ACAP1: variants seen among roughly 807,000 people sequenced by gnomAD.
The protein encoded by ACAP1 is arf-GAP with coiled-coil, ANK repeat and PH domain-containing protein 1.
In ACAP1, 45 loss-of-function variants were observed where a neutral mutation model predicts 98.8. The ratio of observed to expected loss-of-function variants is 0.46; its 90% CI spans 0.36 to 0.58. The LOEUF is 0.58. ACAP1 is among the 20% of genes least tolerant of loss of function. The pLI, the probability that ACAP1 is intolerant of heterozygous loss-of-function variation, is 0.00. For missense variants in ACAP1, 735 were observed against 971.4 expected (o/e 0.76, Z 3.24); for synonymous variants, 362 against 375.3 (o/e 0.96, Z 0.41).
chr17:7,342,907 C>CAA (rs35515243), intron 5 of ACAP1: 124 of 68,938 alleles, frequency 1.8e-3, no homozygotes, highest in East Asian at 3.0e-3. Flanking sequence ...GACTCTGCCT[C>CAA]AAAAAAAAAA....
chr17:7,346,844 G>A lies in ACAP1; in HGVS notation c.1044G>A (p.Leu348=). 6.2e-7 allele frequency: 1 copy of A among 1,613,408 alleles called. No homozygotes were observed. Among genetic ancestry groups the A allele is most frequent in the Non-Finnish European group, 8.5e-7 (1 of 1,179,448 alleles). The change falls in exon 13 of 22, where the codon CTG becomes CTA. Residue 348 remains leucine (L), a synonymous_variant. Transcript: ENST00000158762. The part of the protein sequence containing the change: ...CLLQADSERL[L]QLWVSAVQSS... ...TCCAGGCTGACTCAGAGCGCCTCCT[G>A]CAGCTGTGGGTCAGTGCTGTGCAGA...
In ACAP1 at chr17:7,348,175, C is replaced by G; in HGVS notation, c.1462C>G (p.Arg488Gly). Residue 488 changes from arginine to glycine, a missense_variant, in exon 16 of 22, where the codon CGC becomes GGC. By Grantham distance (125) the Arg-to-Gly change is moderately radical (BLOSUM62 -2). Coordinates refer to ENST00000158762, the MANE Select transcript of ACAP1 (RefSeq NM_014716.4). ...NVIINQIYEA[R>G]VEAMAVKKPG... ...CATCATCAACCAGATCTATGAGGCC[C>G]GCGTGGAGGCCATGGCAGTGAAGAA... is the stretch of plus-strand genomic sequence containing the variant. The G allele has an allele frequency of 6.2e-7, 1 of 1,613,974 alleles. No homozygotes were observed. Among genetic ancestry groups the G allele is most frequent in the Non-Finnish European group, 8.5e-7 (1 of 1,179,944 alleles).
intron 2 of ACAP1, 97 bp from the exon 3 acceptor site, chr17:7,341,851 C>T (rs1314784193): frequency 2.3e-5 from 36 of 1,560,262 alleles, no homozygotes; most frequent in South Asian, 8.4e-5. Context: ...AGGGGAGCGC[C>T]GCCCTGGGCA....
In ACAP1 at chr17:7,346,395, C is replaced by T. The variant is rs760010798; in HGVS notation, c.911C>T (p.Pro304Leu). The T allele has an allele frequency of 2.5e-6, 4 of 1,614,006 alleles. No individual in the cohort carries two copies. In the Admixed American group the frequency reaches 5.0e-5, roughly 20 times the overall value. The change falls in exon 12 of 22, where the codon CCT (proline) becomes CTT (leucine). Residue 304 changes from proline (P) to leucine (L), a missense_variant. By Grantham distance (98) the Pro-to-Leu change is moderately conservative. Coordinates refer to ENST00000158762, the MANE Select transcript of ACAP1 (RefSeq NM_014716.4). ...QLVYQKKYKD[P>L]VTVVVDDLRL... Reference sequence around the variant, plus strand: ...CTTATCACCTTATCCTGCCAGGACCCTGTGACTGTGGTGGTGGATGACCTT... The same window carrying T: ...CTTATCACCTTATCCTGCCAGGACCTTGTGACTGTGGTGGTGGATGACCTT...
At chr17:7,340,268 T>C (rs928833104) in intron 2 of ACAP1, among the ~76,000 whole-genome samples, 1 of 152,304 alleles carries the variant, frequency 6.6e-6, no homozygotes, top group East Asian at 1.9e-4. Context: ...ACCTCAACTC[T>C]AAAAATAATC....
intron 17 of ACAP1, 68 bp from the exon 18 acceptor site, chr17:7,348,927 C>A: frequency 7.0e-7 from 1 of 1,436,066 alleles, no homozygotes. Context: ...AGCATTGGGA[C>A]ACTGCTGAGG....
At position 7,348,411 on chromosome 17, in the gene ACAP1, G is replaced by A. The variant is rs776642228; in HGVS notation, c.1614G>A (p.Gly538=). The A allele has an allele frequency of 3.1e-5, 48 of 1,535,488 alleles. 2 individuals are homozygous for A. In the South Asian group the frequency reaches 6.0e-4, roughly 19 times the overall value. ...GAGGTGGCCGGGGGCGCCCAAGGGGGCAGCCTCCTGTGCCCCCAAAGCCTT... is the reference window on the plus strand; with the variant it reads ...GAGGTGGCCGGGGGCGCCCAAGGGGACAGCCTCCTGTGCCCCCAAAGCCTT... ...GRRGGRGRPR[G]QPPVPPKPSI... The change falls in exon 17 of 22, where the codon GGG becomes GGA. Residue 538 remains glycine (G), a synonymous_variant. Transcript: ENST00000158762.
intron 14 of ACAP1, 104 bp from the exon 15 acceptor site, chr17:7,347,818 G>A: frequency 1.1e-6 from 1 of 935,438 alleles, no homozygotes; most frequent in Non-Finnish European, 1.7e-6. Context: ...CTCTGCACGG[G>A]CCCCCATGCC....
intron 1 of ACAP1, 50 bp from the exon 2 acceptor site, chr17:7,337,262 G>T: frequency 6.3e-7 from 1 of 1,582,496 alleles, no homozygotes; most frequent in Non-Finnish European, 8.7e-7. Context: ...TGATGAGGCA[G>T]ACAGACCAGA....
chr17:7,342,243 C>T, intron 3 of ACAP1, 32 bp from the exon 4 acceptor site: 1 of 1,613,148 alleles, frequency 6.2e-7, no homozygotes. Context: ...CACCCCATGC[C>T]TGGTACTCTT....
At chr17:7,340,781 G>A (rs1189587911) in intron 2 of ACAP1, among the ~76,000 whole-genome samples, 1 of 152,194 alleles carries the variant, frequency 6.6e-6, no homozygotes, top group Non-Finnish European at 1.5e-5. Flanking sequence ...GGGAGGTGGA[G>A]GTTGTGGTGA....
intron 2 of ACAP1, among the ~76,000 whole-genome samples, chr17:7,339,279 G>A (rs138225929): frequency 1.0e-4 from 15 of 149,406 alleles, no homozygotes; most frequent in Middle Eastern, 3.7e-3. Flanking sequence ...GACAGAGTGA[G>A]ACTGTCTCAA....
chr17:7,348,449 G>T lies in ACAP1; in HGVS notation c.1652G>T (p.Arg551Leu). Residue 551 changes from arginine (R) to leucine (L), a missense_variant, in exon 17 of 22, where the codon CGG (arginine) becomes CTG (leucine). Physicochemically the swap from Arg to Leu is moderately radical, Grantham distance 102. This residue lies in a region of ACAP1 where 80 missense variants were observed against 64.4 expected (regional missense o/e 1.24). Transcript: ENST00000158762. ...PVPPKPSIRP[R>L]PGSLRSKPEP... ...CCCCCAAAGCCTTCCATCAGGCCCC[G>T]GCCAGGGAGCTTGAGATCCAAGCCA... 6.7e-7 allele frequency: 1 copy of T among 1,489,134 alleles called. No individual in the cohort carries two copies. Among genetic ancestry groups the T allele is most frequent in the Non-Finnish European group, 8.9e-7 (1 of 1,119,854 alleles). 92.2% of individuals were successfully genotyped at this position (1,489,134 alleles called of 1,614,324 possible).
intron 21 of ACAP1, 121 bp downstream of exon 21, chr17:7,351,120 T>G (rs2073405466): frequency 8.5e-7 from 1 of 1,176,872 alleles, no homozygotes; most frequent in African/African-American, 1.5e-5. Context: ...AAATGCGTAT[T>G]GGGCGCATGC....
At chr17:7,349,268 A>T in intron 18 of ACAP1, 101 bp downstream of exon 18, 1 of 1,317,558 alleles carries the variant, frequency 7.6e-7, no homozygotes, top group Non-Finnish European at 1.0e-6. Flanking sequence ...CCTGTTCCCT[A>T]GGGCTTCCAC....
intron 5 of ACAP1, 100 bp downstream of exon 5, chr17:7,342,574 T>C: frequency 2.3e-6 from 3 of 1,318,884 alleles, no homozygotes; most frequent in Non-Finnish European, 3.2e-6. Context: ...GACACCAACC[T>C]AGCCAACATG....
chr17:7,336,534 T>A lies in ACAP1; in HGVS notation c.-201T>A. ...GCCCCGCCCCTGCCCCTCCCAGCAC[T>A]GCCTGGAAGTGTGGGGTGAGAGCTC... On this transcript the variant is annotated 5_prime_UTR_variant, in exon 1 of 22. Transcript: ENST00000158762. 1.9e-4 allele frequency: 93 copies of A among 486,484 alleles called. No homozygotes were observed. Among genetic ancestry groups the A allele is most frequent in the Middle Eastern group, 6.2e-4 (1 of 1,604 alleles). 30.1% of individuals were successfully genotyped at this position (486,484 alleles called of 1,614,324 possible).
At chr17:7,337,816 T>C (rs2073236877) in intron 2 of ACAP1, among the ~76,000 whole-genome samples, 1 of 151,836 alleles carries the variant, frequency 6.6e-6, no homozygotes. Context: ...ATCGCACCAC[T>C]GCACTCCAGG....
chr17:7,340,831 G>A (rs2073268714), intron 2 of ACAP1, among the ~76,000 whole-genome samples: 1 of 152,148 alleles, frequency 6.6e-6, no homozygotes, highest in African/African-American at 2.4e-5. Flanking sequence ...GGGCAACGGA[G>A]CAAAACTCCG....
Sources: allele counts gnomAD v4.1 joint callset (sites outside exome capture counted in the v4.1 genomes callset), GRCh38; gene constraint gnomAD v4.1.1; regional missense constraint gnomAD v4.1.1; transcripts MANE v1.5; gene names NCBI Gene and HGNC (gene_info 2026-07-23, HGNC 2026-07-21).